CNTNAP2: variants seen among roughly 807,000 people sequenced by gnomAD.
CNTNAP2 encodes the protein contactin associated protein 2.
CNTNAP2 carries 98 observed loss-of-function variants against 155.2 expected under a neutral mutation model. That is an observed-to-expected ratio of 0.63 (90% CI 0.54 to 0.75). The LOEUF (loss-of-function observed/expected upper bound fraction) is 0.75, where lower values mean the gene tolerates loss of function less well. Among genes scored for constraint, CNTNAP2 ranks in the 30% least tolerant of loss-of-function variants. CNTNAP2 has a pLI of 0.00. For synonymous variants in CNTNAP2, 651 were observed against 631.2 expected (o/e 1.03, Z -0.47); for missense variants, 1,727 against 1,688.1 (o/e 1.02, Z -0.40).
chr7:147,176,477 A>AGG (rs1378401908), intron 8 of CNTNAP2, among the ~76,000 whole-genome samples: 1 of 151,484 alleles, frequency 6.6e-6, no homozygotes, highest in Non-Finnish European at 1.5e-5. Flanking sequence ...CTTAAGTCAA[A>AGG]ATATTTAAAT....
chr7:147,590,960 C>A (rs1490102608), intron 12 of CNTNAP2, among the ~76,000 whole-genome samples: 3 of 152,180 alleles, frequency 2.0e-5, no homozygotes, highest in Non-Finnish European at 4.4e-5. Flanking sequence ...TAATAGCATG[C>A]TGATATCTCT....
chr7:147,359,960 A>G (rs544931938), intron 9 of CNTNAP2, among the ~76,000 whole-genome samples: 16 of 152,284 alleles, frequency 1.1e-4, no homozygotes, highest in Admixed American at 3.3e-4. Context: ...AAACTTGATT[A>G]TAAACGTGAA....
chr7:148,023,636 A>T (rs142448954), intron 15 of CNTNAP2, among the ~76,000 whole-genome samples: 1 of 152,186 alleles, frequency 6.6e-6, no homozygotes, highest in African/African-American at 2.4e-5. Context: ...CAGCTTCTTG[A>T]GTGAGATGTC....
intron 21 of CNTNAP2, among the ~76,000 whole-genome samples, chr7:148,294,417 T>A (rs1482500282): frequency 6.6e-6 from 1 of 152,252 alleles, no homozygotes; most frequent in Non-Finnish European, 1.5e-5. Context: ...AAACTCACTT[T>A]CTAGTTATCA....
chr7:146,816,571 T>A (rs1803174489), intron 2 of CNTNAP2, among the ~76,000 whole-genome samples: 1 of 152,218 alleles, frequency 6.6e-6, no homozygotes, highest in Non-Finnish European at 1.5e-5. Flanking sequence ...ACTTTGGAAC[T>A]TGGGCGTATA....
intron 1 of CNTNAP2, among the ~76,000 whole-genome samples, chr7:146,335,348 A>T (rs954948138): frequency 1.3e-5 from 2 of 152,234 alleles, no homozygotes; most frequent in Non-Finnish European, 2.9e-5. Flanking sequence ...ATGTAATTTT[A>T]AAAAAGAGCT....
At chr7:147,606,094 C>G (rs1269653931) in intron 12 of CNTNAP2, among the ~76,000 whole-genome samples, 1 of 152,156 alleles carries the variant, frequency 6.6e-6, no homozygotes, top group Non-Finnish European at 1.5e-5. Context: ...CAGTACATCC[C>G]TATGCCCATT....
chr7:146,934,407 C>A (rs888444593), intron 3 of CNTNAP2, among the ~76,000 whole-genome samples: 2 of 129,258 alleles, frequency 1.5e-5, no homozygotes, highest in African/African-American at 6.0e-5. Flanking sequence ...CACATGGACA[C>A]AGGAAGGGGA....
rs1046575516 is a variant in CNTNAP2 at position 147,756,839 on chromosome 7, G to A, written c.2098+117533G>A. On this transcript the variant is annotated intron_variant, in intron 13 of 23. Coordinates refer to ENST00000361727, the MANE Select transcript of CNTNAP2 (RefSeq NM_014141.6). ...AAGAAATAAACCCTTCATCAGAATA[G>A]GATTCTGGATCCAAGTCTCTTTGGC... 5.9e-5 allele frequency among the ~76,000 whole-genome samples: 9 copies of A among 152,242 alleles called. No individual in the cohort carries two copies. The East Asian group carries it at 1.7e-3, about 29-fold the overall frequency.
chr7:146,270,686 C>T (rs1477221009), intron 1 of CNTNAP2, among the ~76,000 whole-genome samples: 1 of 151,952 alleles, frequency 6.6e-6, no homozygotes, highest in Non-Finnish European at 1.5e-5. Flanking sequence ...GATTATCTAC[C>T]ACTTTAAGCC....
chr7:146,295,586 A>AT (rs1800501642), intron 1 of CNTNAP2, among the ~76,000 whole-genome samples: 1 of 152,058 alleles, frequency 6.6e-6, no homozygotes, highest in Non-Finnish European at 1.5e-5. Context: ...CCATTAAAAT[A>AT]TTTTTTCTTG....
intron 21 of CNTNAP2, among the ~76,000 whole-genome samples, chr7:148,372,889 TA>T (rs1798915607): frequency 6.6e-6 from 1 of 152,242 alleles, no homozygotes; most frequent in African/African-American, 2.4e-5. Flanking sequence ...GCGTATTCTA[TA>T]AGATTTTGCT....
chr7:146,376,656 A>G (rs1230828505), intron 1 of CNTNAP2, among the ~76,000 whole-genome samples: 1 of 152,086 alleles, frequency 6.6e-6, no homozygotes, highest in African/African-American at 2.4e-5. Context: ...CTCATGCCCC[A>G]TGACTTATCT....
chr7:147,705,245 C>T (rs1485939903), intron 13 of CNTNAP2, among the ~76,000 whole-genome samples: 3 of 151,922 alleles, frequency 2.0e-5, no homozygotes, highest in African/African-American at 4.8e-5. Context: ...TGGTATACTA[C>T]GTTTTGACTT....
intron 21 of CNTNAP2, among the ~76,000 whole-genome samples, chr7:148,321,857 A>G (rs1261685229): frequency 6.6e-6 from 1 of 152,196 alleles, no homozygotes; most frequent in Non-Finnish European, 1.5e-5. Context: ...TATGAACTGC[A>G]AAAGAATTCT....
intron 1 of CNTNAP2, among the ~76,000 whole-genome samples, chr7:146,494,462 C>G (rs1490584109): frequency 6.6e-6 from 1 of 151,570 alleles, no homozygotes; most frequent in Non-Finnish European, 1.5e-5. Flanking sequence ...AAAAGTTTCC[C>G]TGAAAGCATA....
At chr7:148,164,458 C>A (rs1302490029) in intron 17 of CNTNAP2, among the ~76,000 whole-genome samples, 1 of 152,132 alleles carries the variant, frequency 6.6e-6, no homozygotes, top group Non-Finnish European at 1.5e-5. Context: ...ACAGAGGAGT[C>A]CTAGCTCTTT....
At chr7:147,148,377 G>A (rs1358822327) in intron 8 of CNTNAP2, among the ~76,000 whole-genome samples, 5 of 129,564 alleles carry the variant, frequency 3.9e-5, no homozygotes, top group African/African-American at 8.9e-5. Flanking sequence ...GCGACAGAGC[G>A]AGACTCCGTC....
At chr7:146,252,345 A>G (rs1386018547) in intron 1 of CNTNAP2, among the ~76,000 whole-genome samples, 1 of 152,210 alleles carries the variant, frequency 6.6e-6, no homozygotes, top group Non-Finnish European at 1.5e-5. Flanking sequence ...ACTGTATTAC[A>G]TATGCCACCA....
Sources: allele counts gnomAD v4.1 joint callset (sites outside exome capture counted in the v4.1 genomes callset), GRCh38; gene constraint gnomAD v4.1.1; transcripts MANE v1.5; gene names NCBI Gene and HGNC (gene_info 2026-07-23, HGNC 2026-07-21).